FRMD4A: variants seen among roughly 807,000 people sequenced by gnomAD.
FRMD4A encodes FERM domain-containing protein 4A.
FRMD4A carries 29 observed loss-of-function variants against 129.1 expected under a neutral mutation model. The observed-to-expected ratio is 0.22, with a 90% CI of 0.17 to 0.31. FRMD4A has a LOEUF of 0.31. Ranked by LOEUF, FRMD4A falls within the 10% of genes least tolerant of loss-of-function variation. The probability of loss-of-function intolerance (pLI) is 1.00; values close to 1 mark genes in which losing one functional copy is unlikely to be tolerated. For synonymous variants in FRMD4A, 634 were observed against 571.6 expected (o/e 1.11, Z -1.56); for missense variants, 1,272 against 1,375.8 (o/e 0.92, Z 1.19).
intron 2 of FRMD4A, among the ~76,000 whole-genome samples, chr10:14,208,588 C>A (rs1842850565): frequency 1.3e-5 from 2 of 152,030 alleles, no homozygotes; most frequent in Admixed American, 6.6e-5. Context: ...ACTCACTCCC[C>A]CACCCCTCCC....
chr10:14,244,954 A>T lies in FRMD4A; in HGVS notation c.45+85104T>A, dbSNP rs192287206. ...AAAGATGATTTCTCTGCCTCACTTT[A>T]CTAGCCTCTAATTAGGCACGATCTT... On this transcript the variant is annotated intron_variant, in intron 2 of 24. Coordinates refer to ENST00000357447, the MANE Select transcript of FRMD4A (RefSeq NM_018027.5). Among the ~76,000 whole-genome samples, 1,210 of 152,326 alleles carry T rather than the reference A, an allele frequency of 7.9e-3. 10 individuals are homozygous for T. Among genetic ancestry groups the T allele is most frequent in the Non-Finnish European group, 0.01 (683 of 68,026 alleles).
intron 2 of FRMD4A, among the ~76,000 whole-genome samples, chr10:13,965,151 C>T (rs535174927): frequency 6.6e-6 from 1 of 151,230 alleles, no homozygotes; most frequent in South Asian, 2.1e-4. Context: ...TTGAGGTCCA[C>T]AGACATTGCC....
intron 12 of FRMD4A, among the ~76,000 whole-genome samples, chr10:13,716,217 C>T (rs1204792945): frequency 1.3e-5 from 2 of 152,150 alleles, no homozygotes; most frequent in Non-Finnish European, 2.9e-5. Context: ...GTCTTATTGG[C>T]CAATTCCTCC....
At chr10:13,914,224 T>C (rs1356433408) in intron 2 of FRMD4A, among the ~76,000 whole-genome samples, 1 of 152,236 alleles carries the variant, frequency 6.6e-6, no homozygotes, top group African/African-American at 2.4e-5. Context: ...ACAAAGTTTC[T>C]CATGATCTAC....
At chr10:13,684,714 T>C (rs543195806) in intron 15 of FRMD4A, 120 of 985,218 alleles carry the variant, frequency 1.2e-4, no homozygotes, top group East Asian at 4.5e-4. Flanking sequence ...AGAGGGGATA[T>C]TGATGACCAG....
intron 12 of FRMD4A, among the ~76,000 whole-genome samples, chr10:13,708,752 T>C (rs2087725311): frequency 6.6e-6 from 1 of 152,214 alleles, no homozygotes; most frequent in African/African-American, 2.4e-5. Flanking sequence ...TTGGCCACTA[T>C]AAATCCTTCC....
intron 2 of FRMD4A, among the ~76,000 whole-genome samples, chr10:14,132,580 G>A (rs558322410): frequency 2.0e-5 from 3 of 152,198 alleles, no homozygotes; most frequent in Non-Finnish European, 2.9e-5. Context: ...GATGGAAAGG[G>A]GAGGAGGAGG....
At chr10:14,094,234 A>T (rs1423115157) in intron 2 of FRMD4A, among the ~76,000 whole-genome samples, 1 of 152,218 alleles carries the variant, frequency 6.6e-6, no homozygotes, top group African/African-American at 2.4e-5. Context: ...GCCAGACGAC[A>T]TGGCGCGTTG....
chr10:13,762,677 G>T lies in FRMD4A; in HGVS notation c.388C>A (p.Leu130Ile). Residue 130 changes from leucine (L) to isoleucine (I), a missense_variant, in exon 7 of 25, where the codon CTT (leucine) becomes ATT (isoleucine). Transcript: ENST00000357447. Reference protein sequence around the residue: ...LNAKSCIYKELIDVDSEVVFE... With the variant: ...LNAKSCIYKEIIDVDSEVVFE... ...ACCACTTCGCTGTCAACGTCAATAA[G>T]CTCCTGAAAGGAAAAAGCAACAAAC... is the stretch of plus-strand genomic sequence containing the variant. 6.2e-7 allele frequency: 1 copy of T among 1,602,008 alleles called. No homozygotes were observed. Among genetic ancestry groups the T allele is most frequent in the Non-Finnish European group, 8.6e-7 (1 of 1,169,302 alleles).
At position 13,884,140 on chromosome 10, in the gene FRMD4A, A is replaced by ACT. The variant is rs1564970442; in HGVS notation, c.46-25229_46-25228insAG. Reference sequence around the variant, plus strand: ...CACACACTCACACACACGCTCACACACACTCTCACACACTCTCACACACAC... The same window carrying ACT: ...CACACACTCACACACACGCTCACACACTCACTCTCACACACTCTCACACACAC... On this transcript the variant is annotated intron_variant, in intron 2 of 24. Transcript: ENST00000357447. Among the ~76,000 whole-genome samples the ACT allele has an allele frequency of 1.5e-4, 10 of 68,922 alleles. 1 individual carries two copies. In the East Asian group the frequency reaches 1.5e-3, roughly 10 times the overall value. The allele number at this position is 68,922 out of a possible 152,430, so 45.2% of individuals were successfully genotyped here.
intron 2 of FRMD4A, among the ~76,000 whole-genome samples, chr10:14,143,551 T>C (rs1042013434): frequency 4.6e-5 from 7 of 152,232 alleles, no homozygotes; most frequent in African/African-American, 1.7e-4. Context: ...AGCGCAACAA[T>C]GCGAATGTAT....
intron 2 of FRMD4A, among the ~76,000 whole-genome samples, chr10:14,180,836 G>T (rs1450027112): frequency 6.6e-6 from 1 of 152,172 alleles, no homozygotes; most frequent in Non-Finnish European, 1.5e-5. Context: ...CCAGACCCCA[G>T]ATCAATGTCT....
intron 14 of FRMD4A, among the ~76,000 whole-genome samples, chr10:13,700,239 T>A (rs1329597582): frequency 6.6e-6 from 1 of 151,136 alleles, no homozygotes; most frequent in Non-Finnish European, 1.5e-5. Flanking sequence ...TGAGCCACTG[T>A]GCCCAGCCCT....
chr10:13,780,188 G>C (rs563605791), intron 6 of FRMD4A, among the ~76,000 whole-genome samples: 2 of 152,182 alleles, frequency 1.3e-5, no homozygotes, highest in South Asian at 2.1e-4. Context: ...CTAGCCAAGC[G>C]TGGTGGTGCA....
rs544885173 is a variant in FRMD4A at position 13,854,580 on chromosome 10, C to T, written c.111+4267G>A. Reference sequence around the variant, plus strand: ...GGATTACAGGCGTGCACAACCACACCGAGCTATTTTTTTTTTTTTTTTTGT... The same window carrying T: ...GGATTACAGGCGTGCACAACCACACTGAGCTATTTTTTTTTTTTTTTTTGT... On this transcript the variant is annotated intron_variant, in intron 3 of 24. Transcript: ENST00000357447. 6.8e-5 allele frequency among the ~76,000 whole-genome samples: 10 copies of T among 146,084 alleles called. 1 individual carries two copies. In the East Asian group the frequency reaches 1.0e-3, roughly 15 times the overall value.
chr10:14,153,521 A>T (rs1338771857), intron 2 of FRMD4A, among the ~76,000 whole-genome samples: 1 of 152,186 alleles, frequency 6.6e-6, no homozygotes, highest in Non-Finnish European at 1.5e-5. Flanking sequence ...CTGGTATAAA[A>T]TTGGAATAAT....
intron 2 of FRMD4A, among the ~76,000 whole-genome samples, chr10:14,031,520 G>T (rs4748078): frequency 0.36 from 54,461 of 151,982 alleles, 12,318 homozygotes; most frequent in Non-Finnish European, 0.52. Context: ...CACCTGCCTC[G>T]GCCTCCCGAA....
chr10:14,027,687 T>C (rs1833047517), intron 2 of FRMD4A, among the ~76,000 whole-genome samples: 1 of 152,176 alleles, frequency 6.6e-6, no homozygotes, highest in Non-Finnish European at 1.5e-5. Context: ...AGAATGTAAA[T>C]AGCAAACTTC....
intron 2 of FRMD4A, among the ~76,000 whole-genome samples, chr10:14,093,072 G>T (rs1836748782): frequency 6.6e-6 from 1 of 152,174 alleles, no homozygotes; most frequent in Non-Finnish European, 1.5e-5. Flanking sequence ...AGGGTAGGGG[G>T]CACGGACGGG....
Sources: gnomAD v4.1 joint callset for allele counts (sites outside exome capture counted in the v4.1 genomes callset) on GRCh38, gnomAD v4.1.1 for gene constraint, MANE v1.5 for transcripts, NCBI Gene and HGNC (gene_info 2026-07-23, HGNC 2026-07-21) for gene names.